Variants in ITGB5 observed in about 807,000 individuals in gnomAD.
ITGB5 encodes the protein integrin subunit beta 5.
Under a neutral mutation model 84.8 loss-of-function variants are expected in ITGB5, and 38 were observed. The ratio of observed to expected loss-of-function variants is 0.45; its 90% CI spans 0.35 to 0.59. The LOEUF is 0.59. ITGB5 is among the 20% of genes least tolerant of loss of function. The probability of loss-of-function intolerance (pLI) is 0.01; values close to 1 mark genes in which losing one functional copy is unlikely to be tolerated. For synonymous variants in ITGB5, 393 were observed against 414.4 expected, an observed-to-expected ratio of 0.95 and a Z score of 0.63; for missense variants, 905 against 1,034.5, an observed-to-expected ratio of 0.87 and a Z score of 1.72.
intron 5 of ITGB5, among the ~76,000 whole-genome samples, chr3:124,838,818 G>A (rs2064973991): frequency 6.6e-6 from 1 of 152,100 alleles, no homozygotes; most frequent in African/African-American, 2.4e-5. Flanking sequence ...AGCCAGGATG[G>A]TCTCGATCTC....
intron 1 of ITGB5, among the ~76,000 whole-genome samples, chr3:124,885,605 T>C (rs1434179996): frequency 3.3e-5 from 5 of 152,206 alleles, no homozygotes; most frequent in Admixed American, 2.0e-4. Context: ...CAGGGGAGCG[T>C]TGACAACAAT....
intron 1 of ITGB5, among the ~76,000 whole-genome samples, chr3:124,880,843 G>A (rs1934532346): frequency 6.6e-6 from 1 of 151,716 alleles, no homozygotes; most frequent in South Asian, 2.1e-4. Flanking sequence ...GCATGAGAAT[G>A]GCTTGAACCT....
upstream of ITGB5, among the ~76,000 whole-genome samples, chr3:124,889,144 T>C (rs987087850): frequency 1.3e-5 from 2 of 152,154 alleles, no homozygotes; most frequent in Admixed American, 6.5e-5. Flanking sequence ...CACAGGAAAT[T>C]CCTTTTGGAC....
chr3:124,786,588 C>T (rs2064085289), intron 10 of ITGB5, among the ~76,000 whole-genome samples: 1 of 152,038 alleles, frequency 6.6e-6, no homozygotes, highest in South Asian at 2.1e-4. Flanking sequence ...GTTCCCTCCT[C>T]TGGGTCAGAG....
chr3:124,822,567 A>G (rs979728157), intron 5 of ITGB5, among the ~76,000 whole-genome samples: 1 of 152,248 alleles, frequency 6.6e-6, no homozygotes, highest in African/African-American at 2.4e-5. Context: ...CGGCATGGAA[A>G]TAAAAAATAA....
intron 10 of ITGB5, among the ~76,000 whole-genome samples, chr3:124,789,278 G>A (rs2064123360): frequency 2.0e-5 from 3 of 152,394 alleles, no homozygotes; most frequent in South Asian, 2.1e-4. Context: ...CATGGCAGGT[G>A]TTTTGTTTGA....
chr3:124,810,895 T>C (rs2064489466), intron 8 of ITGB5, among the ~76,000 whole-genome samples: 1 of 151,822 alleles, frequency 6.6e-6, no homozygotes, highest in Admixed American at 6.6e-5. Context: ...GACTTGCCTC[T>C]TGCTCTTGTG....
chr3:124,798,096 A>G (rs2064260801), intron 9 of ITGB5, among the ~76,000 whole-genome samples: 1 of 120,184 alleles, frequency 8.3e-6, no homozygotes, highest in African/African-American at 3.3e-5. Context: ...CTCTGTTGCC[A>G]GGCTGGAGTG....
chr3:124,870,583 C>G (rs886279941), intron 2 of ITGB5, among the ~76,000 whole-genome samples: 1 of 152,072 alleles, frequency 6.6e-6, no homozygotes, highest in African/African-American at 2.4e-5. Context: ...AAAAACTAGC[C>G]GGGTGTGGTG....
At chr3:124,797,316 T>C (rs2064245517) in intron 9 of ITGB5, among the ~76,000 whole-genome samples, 1 of 152,198 alleles carries the variant, frequency 6.6e-6, no homozygotes, top group Non-Finnish European at 1.5e-5. Flanking sequence ...TGGCCCGCCA[T>C]AGAGAGGGCT....
chr3:124,764,710 C>CA lies in ITGB5; in HGVS notation c.2138-154dup, dbSNP rs561560595. Among the ~76,000 whole-genome samples, 10 of 152,300 alleles carry CA rather than the reference C, an allele frequency of 6.6e-5. No homozygotes were observed. The South Asian group carries it at 1.7e-3, about 25-fold the overall frequency. ...TCCTCAGGAGGGTTTCCCCAATGTA[C>CA]AAAAAATGAAAGATTCAAAAGGGAC... On this transcript the variant is annotated intron_variant, in intron 13 of 14. Transcript: ENST00000296181.
intron 3 of ITGB5, among the ~76,000 whole-genome samples, chr3:124,851,590 G>T (rs1343781559): frequency 2.7e-5 from 4 of 146,580 alleles, no homozygotes; most frequent in African/African-American, 1.0e-4. Context: ...CATTCTAAGA[G>T]AAATTGATCA....
intron 9 of ITGB5, among the ~76,000 whole-genome samples, chr3:124,803,210 G>C (rs962625762): frequency 6.6e-6 from 1 of 152,022 alleles, no homozygotes; most frequent in Non-Finnish European, 1.5e-5. Context: ...TGTACACTAG[G>C]GTGTCCATCC....
intron 2 of ITGB5, among the ~76,000 whole-genome samples, chr3:124,867,148 C>A (rs1247265088): frequency 1.3e-5 from 2 of 152,162 alleles, no homozygotes. Flanking sequence ...ACCGCTCACC[C>A]CAGCCCAGAC....
At chr3:124,899,231 T>C (rs1935172454) in intron 1 of ITGB5, among the ~76,000 whole-genome samples, 1 of 152,246 alleles carries the variant, frequency 6.6e-6, no homozygotes, top group Non-Finnish European at 1.5e-5. Context: ...TGCTCTAGGA[T>C]GCCATGCCAC....
chr3:124,892,667 C>A (rs1195796010), upstream of ITGB5, among the ~76,000 whole-genome samples: 1 of 142,472 alleles, frequency 7.0e-6, no homozygotes, highest in Non-Finnish European at 1.5e-5. Flanking sequence ...TGCACTCCAG[C>A]CTGGGTGACA....
upstream of ITGB5, among the ~76,000 whole-genome samples, chr3:124,888,303 T>C (rs373115938): frequency 8.5e-5 from 13 of 152,342 alleles, no homozygotes; most frequent in East Asian, 1.9e-3. Context: ...ACTGATAATC[T>C]GTCAGTTTCC....
intron 7 of ITGB5, among the ~76,000 whole-genome samples, chr3:124,818,748 T>C (rs1456552279): frequency 1.3e-5 from 2 of 152,152 alleles, no homozygotes; most frequent in African/African-American, 4.8e-5. Flanking sequence ...TTTCATCTTC[T>C]AACATTGATT....
At chr3:124,823,237 T>C (rs1436646597) in intron 5 of ITGB5, among the ~76,000 whole-genome samples, 1 of 151,964 alleles carries the variant, frequency 6.6e-6, no homozygotes, top group African/African-American at 2.4e-5. Flanking sequence ...TGCTCCAGCC[T>C]GGGCAACAGA....
Sources: allele counts gnomAD v4.1 joint callset (sites outside exome capture counted in the v4.1 genomes callset), GRCh38; gene constraint gnomAD v4.1.1; transcripts MANE v1.5; gene names NCBI Gene and HGNC (gene_info 2026-07-23, HGNC 2026-07-21).